Variants in GRID2 observed in about 807,000 individuals in gnomAD.
GRID2 encodes the protein glutamate receptor ionotropic, delta-2.
GRID2 carries 33 observed loss-of-function variants against 114.8 expected under a neutral mutation model. The ratio of observed to expected loss-of-function variants is 0.29; its 90% CI spans 0.22 to 0.38. The LOEUF is 0.38. Among genes scored for constraint, GRID2 ranks in the 10% least tolerant of loss-of-function variants. GRID2 has a pLI of 1.00. For synonymous variants in GRID2, 505 were observed against 449.9 expected (o/e 1.12, Z -1.55); for missense variants, 1,184 against 1,257.7 (o/e 0.94, Z 0.89).
At chr4:93,251,372 A>G (rs1018946877) in intron 8 of GRID2, among the ~76,000 whole-genome samples, 1 of 152,148 alleles carries the variant, frequency 6.6e-6, no homozygotes, top group Admixed American at 6.6e-5. Flanking sequence ...ATTTTTTTAA[A>G]TGGCAAAAAT....
At chr4:92,840,745 C>G (rs1179022417) in intron 2 of GRID2, among the ~76,000 whole-genome samples, 4 of 152,012 alleles carry the variant, frequency 2.6e-5, no homozygotes, top group Non-Finnish European at 5.9e-5. Flanking sequence ...ACATACTTAG[C>G]CTTGCCCTCA....
chr4:93,676,805 G>A (rs1724911001), intron 14 of GRID2, among the ~76,000 whole-genome samples: 2 of 151,264 alleles, frequency 1.3e-5, no homozygotes, highest in Non-Finnish European at 2.9e-5. Flanking sequence ...TCCGCAAGAT[G>A]GCTGAATAGG....
intron 2 of GRID2, among the ~76,000 whole-genome samples, chr4:92,802,804 T>C (rs1740238993): frequency 6.6e-6 from 1 of 151,964 alleles, no homozygotes; most frequent in South Asian, 2.1e-4. Context: ...CCACGATATG[T>C]TGCTGATTGT....
chr4:92,677,183 A>G (rs1272877771), intron 2 of GRID2, among the ~76,000 whole-genome samples: 2 of 152,188 alleles, frequency 1.3e-5, no homozygotes, highest in East Asian at 3.8e-4. Context: ...ACAGTTCTGA[A>G]GATGGATGGT....
intron 12 of GRID2, among the ~76,000 whole-genome samples, chr4:93,495,319 AT>A (rs58367570): frequency 0.2 from 30,909 of 151,716 alleles, 3,882 homozygotes; most frequent in Non-Finnish European, 0.29. Flanking sequence ...CAATAACAGG[AT>A]TTTTGCCATC....
intron 8 of GRID2, among the ~76,000 whole-genome samples, chr4:93,352,413 C>T (rs1235424545): frequency 1.3e-5 from 2 of 152,004 alleles, no homozygotes; most frequent in Non-Finnish European, 2.9e-5. Flanking sequence ...AGAAGCAGTA[C>T]ACAGAGTCAG....
chr4:93,101,037 G>GT (rs1421016687), intron 3 of GRID2, among the ~76,000 whole-genome samples: 1 of 151,994 alleles, frequency 6.6e-6, no homozygotes, highest in Non-Finnish European at 1.5e-5. Context: ...GGCAAGAACT[G>GT]TTTTTTGTTT....
At chr4:92,598,168 C>A (rs1209878909) in intron 2 of GRID2, among the ~76,000 whole-genome samples, 1 of 151,950 alleles carries the variant, frequency 6.6e-6, no homozygotes, top group Non-Finnish European at 1.5e-5. Context: ...AAGGAACATG[C>A]AATAAGCCAG....
chr4:92,686,621 T>G (rs1733919506), intron 2 of GRID2, among the ~76,000 whole-genome samples: 1 of 152,052 alleles, frequency 6.6e-6, no homozygotes, highest in Non-Finnish European at 1.5e-5. Context: ...CACTAAACCA[T>G]TCATCAAGTT....
At chr4:93,020,285 G>A (rs1420173408) in intron 2 of GRID2, among the ~76,000 whole-genome samples, 1 of 151,994 alleles carries the variant, frequency 6.6e-6, no homozygotes, top group Non-Finnish European at 1.5e-5. Flanking sequence ...GGTCTGTTCC[G>A]ACATCCCTAT....
chr4:92,941,348 A>T (rs1235381011), intron 2 of GRID2, among the ~76,000 whole-genome samples: 1 of 152,014 alleles, frequency 6.6e-6, no homozygotes, highest in African/African-American at 2.4e-5. Context: ...TTTCTAGTTT[A>T]TTTGCATAGA....
chr4:93,082,253 T>C (rs1301952412), intron 2 of GRID2, among the ~76,000 whole-genome samples: 1 of 152,178 alleles, frequency 6.6e-6, no homozygotes, highest in East Asian at 1.9e-4. Flanking sequence ...AATAAAACAA[T>C]CTCAAATTGA....
At chr4:93,472,510 G>A (rs1400205494) in intron 11 of GRID2, among the ~76,000 whole-genome samples, 3 of 152,110 alleles carry the variant, frequency 2.0e-5, no homozygotes, top group East Asian at 1.9e-4. Flanking sequence ...GATCAATGTG[G>A]TGGATATTCT....
intron 8 of GRID2, among the ~76,000 whole-genome samples, chr4:93,362,784 G>T (rs1761995455): frequency 6.6e-6 from 1 of 152,054 alleles, no homozygotes; most frequent in African/African-American, 2.4e-5. Context: ...CCTGCAAGTT[G>T]GGTGGAAATT....
Position 92,611,378 on chromosome 4 carries a change from G to T in GRID2, c.244+21092G>T, listed in dbSNP as rs143824170. Among the ~76,000 whole-genome samples, 574 of 151,628 alleles carry T rather than the reference G, an allele frequency of 3.8e-3. 7 individuals carry two copies. The highest frequency in any genetic ancestry group is 0.013 in the African/African-American group (540 of 41,448). On this transcript the variant is annotated intron_variant, in intron 2 of 15. Transcript: ENST00000282020. ...TCTTCTTTGTGTGTGCATGAAAACAGAGTGTGCTCAAGCCCTCTGATTTCT... is the reference window on the plus strand; with the variant it reads ...TCTTCTTTGTGTGTGCATGAAAACATAGTGTGCTCAAGCCCTCTGATTTCT...
chr4:93,290,132 C>T (rs1561090836), intron 8 of GRID2, among the ~76,000 whole-genome samples: 3 of 152,166 alleles, frequency 2.0e-5, no homozygotes, highest in Admixed American at 1.3e-4. Flanking sequence ...TCTGGCAAAA[C>T]TGCCCGGTAG....
At chr4:93,405,678 C>T (rs1048749265) in intron 9 of GRID2, among the ~76,000 whole-genome samples, 9 of 151,910 alleles carry the variant, frequency 5.9e-5, no homozygotes, top group East Asian at 1.9e-4. Flanking sequence ...ATATTCTAAC[C>T]GAAATTACAT....
At chr4:92,566,111 A>G (rs1727321351) in intron 1 of GRID2, among the ~76,000 whole-genome samples, 1 of 152,006 alleles carries the variant, frequency 6.6e-6, no homozygotes, top group Non-Finnish European at 1.5e-5. Context: ...CTATGTCGAT[A>G]TGCCTAGCAG....
chr4:92,441,830 A>AGGAGGAC (rs1369479983), intron 1 of GRID2, among the ~76,000 whole-genome samples: 4 of 152,158 alleles, frequency 2.6e-5, no homozygotes, highest in South Asian at 4.1e-4. Flanking sequence ...GGGATACAAG[A>AGGAGGAC]GGAGGACGCA....
Sources: gnomAD v4.1 joint callset for allele counts (sites outside exome capture counted in the v4.1 genomes callset) on GRCh38, gnomAD v4.1.1 for gene constraint, MANE v1.5 for transcripts, NCBI Gene and HGNC (gene_info 2026-07-23, HGNC 2026-07-21) for gene names.